The following ASPSCR1 variants were observed in gnomAD, a reference collection of about 807,000 sequenced individuals.
ASPSCR1 encodes the protein tether containing UBX domain for GLUT4.
Under a neutral mutation model 68.9 loss-of-function variants are expected in ASPSCR1, and 55 were observed. The observed-to-expected ratio is 0.80, with a 90% CI of 0.64 to 1.00. The LOEUF is 1.00. Among genes scored for constraint, ASPSCR1 ranks in the 50% least tolerant of loss-of-function variants. The probability of loss-of-function intolerance (pLI) is 0.00; values close to 1 mark genes in which losing one functional copy is unlikely to be tolerated. For missense variants in ASPSCR1, 765 were observed against 762.2 expected, an observed-to-expected ratio of 1.00 and a Z score of -0.04; for synonymous variants, 352 against 332.6, an observed-to-expected ratio of 1.06 and a Z score of -0.63.
intron 8 of ASPSCR1, 87 bp from the exon 9 acceptor site, chr17:82,009,399 C>T (rs2042834975): frequency 1.4e-6 from 2 of 1,421,994 alleles, no homozygotes; most frequent in Non-Finnish European, 1.9e-6. Context: ...CACTCCCACC[C>T]TGGAGGGTGC....
intron 12 of ASPSCR1, among the ~76,000 whole-genome samples, chr17:82,012,666 C>G (rs1401095820): frequency 6.6e-6 from 1 of 152,188 alleles, no homozygotes; most frequent in Non-Finnish European, 1.5e-5. Context: ...CCAGAGGGAC[C>G]AGGCCCTCAG....
intron 3 of ASPSCR1, among the ~76,000 whole-genome samples, chr17:81,985,033 G>A (rs1598390059): frequency 2.0e-5 from 1 of 49,360 alleles, no homozygotes; most frequent in Non-Finnish European, 3.9e-5. Context: ...ACACCAACAT[G>A]CACACACCTC....
intron 5 of ASPSCR1, chr17:81,995,119 G>C: frequency 1.9e-6 from 1 of 523,266 alleles, no homozygotes; most frequent in Non-Finnish European, 3.3e-6. Flanking sequence ...AGTCACAAAA[G>C]TGGTTTCATT....
In ASPSCR1 at chr17:81,996,075, G is replaced by A; in HGVS notation, c.506+10G>A. 6.3e-7 allele frequency: 1 copy of A among 1,598,636 alleles called. No homozygotes were observed. ...GCAGCGCCACCATCAGGTAAGGGCA[G>A]TGCTGCTGGGGCCGAGGAGTCTATT... On this transcript the variant is annotated intron_variant, in intron 6 of 15. Coordinates refer to ENST00000306739, the MANE Select transcript of ASPSCR1 (RefSeq NM_024083.4).
rs879201107 is a variant in ASPSCR1, at chr17:82,014,541, G to A, written c.1354-1935G>A. On this transcript the variant is annotated intron_variant, in intron 12 of 15. Coordinates refer to ENST00000306739, the MANE Select transcript of ASPSCR1 (RefSeq NM_024083.4). ...GGCTCTGTGGTGCCATCTCCCTGCC[G>A]AGGCACTGTGGTGCCGCCTTCCTCC... 4 of 159,228 alleles carry A rather than the reference G, an allele frequency of 2.5e-5. No individual in the cohort carries two copies. The South Asian group carries it at 5.3e-4, about 21-fold the overall frequency. The allele number at this position is 159,228 out of a possible 1,614,324, so 9.9% of individuals were successfully genotyped here. A position where few individuals can be genotyped will look rare whatever the true frequency, so the allele number is the denominator to read the frequency against.
rs536790120 is a variant in ASPSCR1, at chr17:81,996,492, G to A, written c.579G>A (p.Gln193=). The part of the protein sequence containing the change: ...GSLGSSASAG[Q]AAASAPLPLE... ...TGGGCTCGTCAGCGTCGGCTGGCCA[G>A]GCAGCCGCCAGCGCTCCACTTCCCT... Residue 193 remains glutamine (Q), a synonymous_variant, in exon 7 of 16, where the codon CAG becomes CAA. Coordinates refer to ENST00000306739, the MANE Select transcript of ASPSCR1 (RefSeq NM_024083.4). 6.2e-7 allele frequency: 1 copy of A among 1,611,678 alleles called. No individual in the cohort carries two copies. The highest frequency in any genetic ancestry group is 1.3e-5 in the African/African-American group (1 of 75,044).
intron 12 of ASPSCR1, chr17:82,012,899 TGTCCTTGG>T (rs2042998250): frequency 6.4e-6 from 1 of 156,870 alleles, no homozygotes; most frequent in Non-Finnish European, 1.4e-5. Context: ...ATGAATGTCC[TGTCCTTGG>T]CCTGTGGGAG....
At chr17:81,980,913 C>G (rs1253522772) in intron 2 of ASPSCR1, among the ~76,000 whole-genome samples, 1 of 152,116 alleles carries the variant, frequency 6.6e-6, no homozygotes, top group Non-Finnish European at 1.5e-5. Flanking sequence ...TGCCTGTAAT[C>G]CTAGCACTTT....
At position 81,983,706 on chromosome 17, in the gene ASPSCR1, A is replaced by G; in HGVS notation, c.273+38A>G. On this transcript the variant is annotated intron_variant, in intron 3 of 15. Transcript: ENST00000306739. The surrounding 1 kb of genome is among the most constrained non-coding windows in gnomAD (Gnocchi z 4.4). ...CTGGGGGAGGCTGACTGTGTGGGGC[A>G]CAGGATCGTTCAGCTGGCCAGGGAC... 6.5e-7 allele frequency: 1 copy of G among 1,536,496 alleles called. No individual in the cohort carries two copies. Among genetic ancestry groups the G allele is most frequent in the East Asian group, 2.3e-5 (1 of 43,732 alleles).
intron 12 of ASPSCR1, 106 bp from the exon 13 acceptor site, chr17:82,016,370 C>T (rs940886711): frequency 9.7e-6 from 10 of 1,030,980 alleles, no homozygotes; most frequent in Admixed American, 4.8e-5. Flanking sequence ...CAGGCAGAGC[C>T]TGTCTGAGGG....
chr17:82,002,892 C>T (rs1178242752), intron 7 of ASPSCR1, among the ~76,000 whole-genome samples: 3 of 144,482 alleles, frequency 2.1e-5, no homozygotes, highest in East Asian at 2.1e-4. Context: ...TTTTTTTTTT[C>T]GAGACAGGGT....
chr17:82,012,715 C>G (rs1442557625), intron 12 of ASPSCR1, among the ~76,000 whole-genome samples: 1 of 152,206 alleles, frequency 6.6e-6, no homozygotes, highest in Admixed American at 6.5e-5. Context: ...GCCCCTTCCC[C>G]CTGCCCGGCC....
chr17:81,988,786 T>C (rs906829730), intron 4 of ASPSCR1, among the ~76,000 whole-genome samples: 7 of 152,212 alleles, frequency 4.6e-5, no homozygotes, highest in African/African-American at 1.7e-4. Context: ...CATCTGGCTG[T>C]GTCTCAGGGC....
intron 10 of ASPSCR1, among the ~76,000 whole-genome samples, 158 bp downstream of exon 10, chr17:82,011,026 G>A (rs1412626123): frequency 6.6e-6 from 1 of 152,192 alleles, no homozygotes; most frequent in African/African-American, 2.4e-5. Context: ...GGGTGCAGAG[G>A]CATCCCAGTT....
intron 5 of ASPSCR1, chr17:81,995,419 G>C (rs969294256): frequency 9.4e-6 from 2 of 212,424 alleles, no homozygotes; most frequent in East Asian, 1.2e-4. Context: ...GATGAGCCAC[G>C]GGGCTCAGGA....
At chr17:81,985,387 C>T in intron 3 of ASPSCR1, 120 bp from the exon 4 acceptor site, 2 of 1,027,916 alleles carry the variant, frequency 1.9e-6, no homozygotes, top group Non-Finnish European at 2.9e-6. Context: ...GGGGGTCAGC[C>T]TCTCCCTGGA....
intron 12 of ASPSCR1, chr17:82,015,032 T>G: frequency 6.4e-7 from 1 of 1,553,738 alleles, no homozygotes; most frequent in Non-Finnish European, 8.6e-7. Flanking sequence ...TCCCGGGCCC[T>G]GCTCTGGCTG....
intron 4 of ASPSCR1, among the ~76,000 whole-genome samples, chr17:81,989,097 A>G (rs560401480): frequency 3.9e-5 from 6 of 152,088 alleles, no homozygotes; most frequent in Admixed American, 6.6e-5. Context: ...AATCCCAGCT[A>G]CTTGGGAGGC....
intron 3 of ASPSCR1, 94 bp from the exon 4 acceptor site, chr17:81,985,413 G>T (rs955644297): frequency 7.4e-7 from 1 of 1,357,230 alleles, no homozygotes; most frequent in Non-Finnish European, 1.0e-6. Context: ...GGGCGGGGCA[G>T]TCACCCTCTC....
Sources: allele counts gnomAD v4.1 joint callset (sites outside exome capture counted in the v4.1 genomes callset), GRCh38; gene constraint gnomAD v4.1.1; non-coding constraint Gnocchi (gnomAD v3.1); transcripts MANE v1.5; gene names NCBI Gene and HGNC (gene_info 2026-07-23, HGNC 2026-07-21).